Variants in RAD18 observed in about 807,000 individuals in gnomAD.
RAD18 encodes the protein E3 ubiquitin-protein ligase RAD18.
A neutral mutation model predicts 60.4 loss-of-function variants in RAD18; 47 were observed. The ratio of observed to expected loss-of-function variants is 0.78; its 90% CI spans 0.62 to 0.99. The LOEUF (loss-of-function observed/expected upper bound fraction) is 0.99. RAD18 is among the 50% of genes least tolerant of loss of function. The pLI, the probability that RAD18 is intolerant of heterozygous loss-of-function variation, is 0.00. For synonymous variants in RAD18, 225 were observed against 195.5 expected, an observed-to-expected ratio of 1.15 and a Z score of -1.26; for missense variants, 640 against 593.3, an observed-to-expected ratio of 1.08 and a Z score of -0.82.
chr3:8,884,790 C>G (rs1423123330), intron 12 of RAD18, among the ~76,000 whole-genome samples: 1 of 152,156 alleles, frequency 6.6e-6, no homozygotes, highest in African/African-American at 2.4e-5. Flanking sequence ...TTCTCTAAAA[C>G]ACCTCATCCC....
chr3:8,879,502 A>G lies in RAD18; in HGVS notation c.*1855T>C, dbSNP rs1281646374. ...GACTTCCAGCCTCCAGAATTCTGAGAATACACATTTCTGTTGTGTAAGCTT... is the reference window on the plus strand; with the variant it reads ...GACTTCCAGCCTCCAGAATTCTGAGGATACACATTTCTGTTGTGTAAGCTT... On this transcript the variant is annotated 3_prime_UTR_variant, in exon 13 of 13. Transcript: ENST00000264926. The G allele has an allele frequency of 1.3e-5, 2 of 152,298 alleles. No homozygotes were observed. The highest frequency in any genetic ancestry group is 2.9e-5 in the Non-Finnish European group (2 of 68,096). 9.4% of individuals were successfully genotyped at this position (152,298 alleles called of 1,614,324 possible). A position where few individuals can be genotyped will look rare whatever the true frequency, so the allele number is the denominator to read the frequency against.
chr3:8,894,070 G>C (rs1388059887), intron 11 of RAD18, among the ~76,000 whole-genome samples: 1 of 152,156 alleles, frequency 6.6e-6, no homozygotes, highest in Non-Finnish European at 1.5e-5. Flanking sequence ...ATTAAAGTAA[G>C]TAGAAAAACA....
chr3:8,963,313 C>A, intron 1 of RAD18, 22 bp downstream of exon 1: 1 of 1,602,084 alleles, frequency 6.2e-7, no homozygotes, highest in Non-Finnish European at 8.5e-7. Context: ...CCGGGAGCTC[C>A]CAAACTCCCC....
intron 7 of RAD18, among the ~76,000 whole-genome samples, chr3:8,916,246 C>T (rs990287935): frequency 1.3e-5 from 2 of 152,172 alleles, no homozygotes; most frequent in Non-Finnish European, 2.9e-5. Context: ...GGGGCAGGAT[C>T]GCTGAAAAAG....
At chr3:8,913,046 A>T (rs1326972968) in intron 8 of RAD18, among the ~76,000 whole-genome samples, 1 of 152,102 alleles carries the variant, frequency 6.6e-6, no homozygotes, top group African/African-American at 2.4e-5. Context: ...GAAAAAAAAA[A>T]AGTCTACTTG....
chr3:8,914,072 C>T (rs1372794829), intron 7 of RAD18, among the ~76,000 whole-genome samples: 1 of 152,142 alleles, frequency 6.6e-6, no homozygotes, highest in East Asian at 1.9e-4. Context: ...GGGATGTCTG[C>T]TCAAATTCCA....
At chr3:8,959,101 CTT>C (rs1267126650) in intron 1 of RAD18, 100 bp from the exon 2 acceptor site, 11 of 899,054 alleles carry the variant, frequency 1.2e-5, no homozygotes, top group African/African-American at 1.2e-4. Context: ...AAATCAAACT[CTT>C]TGTCAAATAC....
At chr3:8,963,290 C>G in intron 1 of RAD18, 45 bp downstream of exon 1, 1 of 1,562,882 alleles carries the variant, frequency 6.4e-7, no homozygotes, top group Non-Finnish European at 8.7e-7. Flanking sequence ...GAGGGACCTC[C>G]CCCCGCAGAC....
chr3:8,905,147 G>A (rs1192525391), intron 9 of RAD18, among the ~76,000 whole-genome samples: 2 of 152,192 alleles, frequency 1.3e-5, no homozygotes, highest in African/African-American at 4.8e-5. Flanking sequence ...CTCAGTTCTG[G>A]TGGGCATGTG....
At chr3:8,914,146 A>C (rs1016763194) in intron 7 of RAD18, among the ~76,000 whole-genome samples, 29 of 152,252 alleles carry the variant, frequency 1.9e-4, no homozygotes, top group African/African-American at 7.0e-4. Flanking sequence ...AAATACCAGG[A>C]AAAATGTCCT....
chr3:8,934,939 C>A (rs1940623039), intron 7 of RAD18, among the ~76,000 whole-genome samples: 1 of 152,068 alleles, frequency 6.6e-6, no homozygotes, highest in African/African-American at 2.4e-5. Flanking sequence ...TAATGTTGCA[C>A]AAATGAGGGC....
At chr3:8,898,205 A>G (rs1054197101) in intron 11 of RAD18, among the ~76,000 whole-genome samples, 6 of 152,212 alleles carry the variant, frequency 3.9e-5, no homozygotes, top group African/African-American at 1.2e-4. Flanking sequence ...TATAGCGCAG[A>G]GACATAACAG....
At chr3:8,956,811 T>A (rs1488223988) in intron 2 of RAD18, among the ~76,000 whole-genome samples, 1 of 150,264 alleles carries the variant, frequency 6.7e-6, no homozygotes, top group Non-Finnish European at 1.5e-5. Context: ...GGTAGGTTTA[T>A]GAAAACATAT....
intron 7 of RAD18, 91 bp from the exon 8 acceptor site, chr3:8,913,811 G>T (rs1361460396): frequency 9.5e-6 from 7 of 737,270 alleles, no homozygotes; most frequent in Non-Finnish European, 1.0e-5. Context: ...ATTAGAAGAA[G>T]ATGGGTGATG....
intron 7 of RAD18, among the ~76,000 whole-genome samples, chr3:8,915,527 T>C (rs1386837378): frequency 1.3e-5 from 2 of 151,590 alleles, no homozygotes; most frequent in Non-Finnish European, 2.9e-5. Flanking sequence ...CATGAAAATA[T>C]AAAAATTTTG....
intron 11 of RAD18, among the ~76,000 whole-genome samples, chr3:8,898,459 C>T (rs976127837): frequency 1.3e-5 from 2 of 151,886 alleles, no homozygotes; most frequent in Non-Finnish European, 2.9e-5. Flanking sequence ...CAAAATGACT[C>T]ATTACCAAAC....
chr3:8,890,421 TA>T lies in RAD18; in HGVS notation c.1352del (p.Leu451Ter). 1 of 1,595,720 alleles carries T rather than the reference TA, an allele frequency of 6.3e-7. No homozygotes were observed. Among genetic ancestry groups the T allele is most frequent in the Non-Finnish European group, 8.6e-7 (1 of 1,163,350 alleles). ...SSSSDIIRDL[L>X]EEEEAWEASH... The stretch of plus-strand genomic sequence containing the variant: ...ATGCTTCCCAGGCTTCCTCTTCTTC[TA>T]AAAGATCTCTTATGATGTCTGAACT... On this transcript the variant is annotated frameshift_variant, in exon 12 of 13. Transcript: ENST00000264926. LOFTEE classifies it high-confidence loss of function.
chr3:8,933,109 T>TA (rs146033780), intron 7 of RAD18, among the ~76,000 whole-genome samples: 1 of 149,704 alleles, frequency 6.7e-6, no homozygotes, highest in Admixed American at 6.6e-5. Flanking sequence ...AATAAATAAA[T>TA]AAATAAAATA....
chr3:8,956,273 G>A (rs778222736), intron 2 of RAD18, among the ~76,000 whole-genome samples: 8 of 152,092 alleles, frequency 5.3e-5, no homozygotes, highest in Admixed American at 1.3e-4. Flanking sequence ...TAAAATAAGC[G>A]CTACTTGACA....
Sources: allele counts gnomAD v4.1 joint callset (sites outside exome capture counted in the v4.1 genomes callset), GRCh38; gene constraint gnomAD v4.1.1; transcripts MANE v1.5; gene names NCBI Gene and HGNC (gene_info 2026-07-23, HGNC 2026-07-21).